The following MYLK variants were observed in gnomAD, a reference collection of about 807,000 sequenced individuals.
The protein encoded by MYLK is myosin light chain kinase, smooth muscle.
In MYLK, 106 loss-of-function variants were observed where a neutral mutation model predicts 203.4. The observed-to-expected ratio is 0.52, with a 90% confidence interval of 0.45 to 0.61. The LOEUF is 0.61. MYLK is among the 20% of genes least tolerant of loss of function. The pLI is 0.00. For missense variants in MYLK, 2,072 were observed against 2,442.3 expected (o/e 0.85, Z 3.20); for synonymous variants, 867 against 959.5 (o/e 0.90, Z 1.78).
intron 6 of MYLK, among the ~76,000 whole-genome samples, chr3:123,739,541 C>A (rs1391416224): frequency 6.6e-6 from 1 of 152,230 alleles, no homozygotes; most frequent in Non-Finnish European, 1.5e-5. Context: ...GGAAGGCTCT[C>A]CCCATGTTCC....
intron 11 of MYLK, 28 bp downstream of exon 11, chr3:123,732,868 G>A (rs1279253643): frequency 6.2e-7 from 1 of 1,603,748 alleles, no homozygotes; most frequent in Admixed American, 1.7e-5. Context: ...CACAGAGAAT[G>A]CGGGGTGACC....
chr3:123,783,700 G>A (rs2064389019), intron 4 of MYLK, among the ~76,000 whole-genome samples: 1 of 151,858 alleles, frequency 6.6e-6, no homozygotes, highest in South Asian at 2.1e-4. Context: ...GTATAAAATG[G>A]CTAAAGGTTT....
At chr3:123,737,616 C>T in intron 7 of MYLK, 73 bp from the exon 8 acceptor site, 1 of 1,587,666 alleles carries the variant, frequency 6.3e-7, no homozygotes, top group Non-Finnish European at 8.6e-7. Flanking sequence ...TGCCTCCTGC[C>T]AATCCTAGTG....
At chr3:123,760,273 G>A (rs1361832421) in intron 4 of MYLK, among the ~76,000 whole-genome samples, 2 of 152,124 alleles carry the variant, frequency 1.3e-5, no homozygotes, top group Non-Finnish European at 1.5e-5. Context: ...CCGCCTCCCG[G>A]GTTCAAGTGA....
At chr3:123,839,534 T>C (rs1683958240) in intron 2 of MYLK, among the ~76,000 whole-genome samples, 1 of 152,202 alleles carries the variant, frequency 6.6e-6, no homozygotes, top group Admixed American at 6.5e-5. Flanking sequence ...TGTACACATC[T>C]AACACAGGGT....
At chr3:123,858,018 G>A (rs938314525) in intron 2 of MYLK, among the ~76,000 whole-genome samples, 1 of 152,150 alleles carries the variant, frequency 6.6e-6, no homozygotes, top group African/African-American at 2.4e-5. Flanking sequence ...GTAAACCGAA[G>A]GACAAAGGAC....
At chr3:123,745,618 G>A (rs891406700) in intron 5 of MYLK, among the ~76,000 whole-genome samples, 1 of 152,072 alleles carries the variant, frequency 6.6e-6, no homozygotes, top group Non-Finnish European at 1.5e-5. Context: ...ACTAGGAACG[G>A]AATCCCTTTC....
intron 20 of MYLK, among the ~76,000 whole-genome samples, chr3:123,673,250 C>T (rs1378345719): frequency 6.7e-6 from 1 of 150,244 alleles, no homozygotes; most frequent in African/African-American, 2.5e-5. Flanking sequence ...GTAGCCTCGA[C>T]CTGCTGGGCT....
At chr3:123,723,783 G>A (rs773117352) in intron 12 of MYLK, among the ~76,000 whole-genome samples, 1 of 152,228 alleles carries the variant, frequency 6.6e-6, no homozygotes, top group Non-Finnish European at 1.5e-5. Flanking sequence ...AAGAGTCGCT[G>A]AGAAAACACC....
chr3:123,713,775 C>T (rs1168430725), intron 13 of MYLK, among the ~76,000 whole-genome samples: 1 of 152,184 alleles, frequency 6.6e-6, no homozygotes, highest in Non-Finnish European at 1.5e-5. Context: ...GTGGCCCTGG[C>T]TGTGTGATCT....
chr3:123,865,709 G>A (rs946732869), intron 2 of MYLK, among the ~76,000 whole-genome samples: 26 of 152,120 alleles, frequency 1.7e-4, no homozygotes, highest in African/African-American at 2.4e-4. Flanking sequence ...GATTGAGACC[G>A]GTGAGAAAGT....
chr3:123,861,874 C>T (rs1316455068), intron 2 of MYLK, among the ~76,000 whole-genome samples: 1 of 152,196 alleles, frequency 6.6e-6, no homozygotes, highest in Admixed American at 6.5e-5. Flanking sequence ...GTCATCAAAA[C>T]CAGGGATAGA....
intron 19 of MYLK, chr3:123,691,142 G>C (rs1285741787): frequency 6.6e-6 from 1 of 152,198 alleles, no homozygotes; most frequent in East Asian, 1.9e-4. Flanking sequence ...TCCTTCACTA[G>C]CTCGGGAACC....
intron 2 of MYLK, among the ~76,000 whole-genome samples, chr3:123,864,276 G>C (rs1465459968): frequency 1.3e-5 from 2 of 152,166 alleles, no homozygotes; most frequent in African/African-American, 4.8e-5. Context: ...GGGTTTCACA[G>C]GTGCATGCTT....
intron 2 of MYLK, among the ~76,000 whole-genome samples, chr3:123,845,809 A>G (rs2029909300): frequency 6.6e-6 from 1 of 152,164 alleles, no homozygotes; most frequent in African/African-American, 2.4e-5. Flanking sequence ...ACACACTTCT[A>G]TGCCCAGCTA....
At chr3:123,800,379 T>C (rs2065153079) in intron 3 of MYLK, among the ~76,000 whole-genome samples, 1 of 152,114 alleles carries the variant, frequency 6.6e-6, no homozygotes, top group African/African-American at 2.4e-5. Context: ...TATTTCCTCC[T>C]GAGACCCAGC....
chr3:123,690,964 C>T (rs1053038654), intron 19 of MYLK, among the ~76,000 whole-genome samples: 1 of 151,466 alleles, frequency 6.6e-6, no homozygotes, highest in African/African-American at 2.4e-5. Context: ...TTCCCCAAAC[C>T]TTAAAAAAAA....
At chr3:123,618,182 T>G in intron 33 of MYLK, 1 of 204,914 alleles carries the variant, frequency 4.9e-6, no homozygotes, top group Non-Finnish European at 1.0e-5. Context: ...CTCAGGGGAG[T>G]TGGACCACCA....
intron 20 of MYLK, among the ~76,000 whole-genome samples, chr3:123,677,622 T>A (rs954770170): frequency 6.6e-6 from 1 of 151,588 alleles, no homozygotes; most frequent in African/African-American, 2.4e-5. Context: ...GTTTTAGGAG[T>A]GTTATTATTA....
Sources: gnomAD v4.1 joint callset for allele counts (sites outside exome capture counted in the v4.1 genomes callset) on GRCh38, gnomAD v4.1.1 for gene constraint, MANE v1.5 for transcripts, NCBI Gene and HGNC (gene_info 2026-07-23, HGNC 2026-07-21) for gene names.